FASTKD2: variants seen among roughly 807,000 people sequenced by gnomAD.
FASTKD2 encodes FAST kinase domains 2.
Under a neutral mutation model 63.6 loss-of-function variants are expected in FASTKD2, and 51 were observed. The ratio of observed to expected loss-of-function variants is 0.80; its 90% CI spans 0.64 to 1.01. FASTKD2 has a LOEUF of 1.01. Among genes scored for constraint, FASTKD2 ranks in the 50% least tolerant of loss-of-function variants. The probability of loss-of-function intolerance (pLI) is 0.00; values close to 1 mark genes in which losing one functional copy is unlikely to be tolerated. For missense variants in FASTKD2, 786 were observed against 831.1 expected (o/e 0.95, Z 0.67); for synonymous variants, 284 against 293.4 (o/e 0.97, Z 0.33).
In FASTKD2 at chr2:206,792,120, CAGGTTGATGTGGGTAGT is replaced by C. The variant is rs1487331365; in HGVS notation, c.*321_*337del. ...TTTCTTAGTTGTGAGGTGTCACAGG[CAGGTTGATGTGGGTAGT>C]AGTCCTTGTCTTTGGAATCTGAATA... On this transcript the variant is annotated 3_prime_UTR_variant, in exon 12 of 12. Transcript: ENST00000402774. The C allele has an allele frequency of 1.1e-5, 4 of 363,648 alleles. No individual in the cohort carries two copies. Among genetic ancestry groups the C allele is most frequent in the African/African-American group, 8.4e-5 (4 of 47,550 alleles). The allele number at this position is 363,648 out of a possible 1,614,324, so 22.5% of individuals were successfully genotyped here.
intron 2 of FASTKD2, among the ~76,000 whole-genome samples, 155 bp downstream of exon 2, chr2:206,767,625 G>C (rs1397016616): frequency 1.4e-5 from 2 of 138,568 alleles, no homozygotes; most frequent in African/African-American, 5.7e-5. Flanking sequence ...ATATGATTTA[G>C]AGGCCTTAAG....
chr2:206,771,881 G>C lies in FASTKD2; in HGVS notation c.991-13G>C, dbSNP rs13421046. 2.9e-5 allele frequency: 46 copies of C among 1,573,986 alleles called. 1 individual carries two copies. In the East Asian group the frequency reaches 3.8e-4, roughly 13 times the overall value. ...CAGATAGTAAATTAAATTAAAATTT[G>C]TTTTTTCTTTAGATGAAAGCCTTGA... On this transcript the variant is annotated splice_polypyrimidine_tract_variant and intron_variant, in intron 4 of 11. Transcript: ENST00000402774.
intron 7 of FASTKD2, among the ~76,000 whole-genome samples, chr2:206,777,760 A>G (rs899850238): frequency 6.6e-6 from 1 of 152,188 alleles, no homozygotes; most frequent in African/African-American, 2.4e-5. Flanking sequence ...TGACTTCAGC[A>G]ATGAAGCTAT....
At position 206,792,022 on chromosome 2, in the gene FASTKD2, C is replaced by T; in HGVS notation, c.*220C>T. On this transcript the variant is annotated 3_prime_UTR_variant, in exon 12 of 12. Transcript: ENST00000402774. The stretch of plus-strand genomic sequence containing the variant: ...GGTTATTTTTCCAACCACACCTATT[C>T]CCTCTAGTGCCCAGATATTTGATTT... 1.9e-6 allele frequency: 1 copy of T among 534,032 alleles called. No individual in the cohort carries two copies. The highest frequency in any genetic ancestry group is 3.4e-6 in the Non-Finnish European group (1 of 298,308). 33.1% of individuals were successfully genotyped at this position (534,032 alleles called of 1,614,324 possible). A position where few individuals can be genotyped will look rare whatever the true frequency, so the allele number is the denominator to read the frequency against.
chr2:206,776,392 A>G (rs918116592), intron 7 of FASTKD2, among the ~76,000 whole-genome samples: 3 of 151,440 alleles, frequency 2.0e-5, no homozygotes, highest in South Asian at 2.1e-4. Flanking sequence ...CCTTGTCTGT[A>G]TTTGCTTTTG....
chr2:206,777,982 G>A (rs1203357230), intron 7 of FASTKD2, among the ~76,000 whole-genome samples: 1 of 151,808 alleles, frequency 6.6e-6, no homozygotes, highest in Non-Finnish European at 1.5e-5. Context: ...TATTTCTGTG[G>A]CATTGGTTTT....
At chr2:206,786,936 C>A in intron 8 of FASTKD2, 37 bp downstream of exon 8, 4 of 1,167,902 alleles carry the variant, frequency 3.4e-6, no homozygotes, top group East Asian at 2.6e-5. Context: ...CCAATTGTGA[C>A]CAATTCTGCA....
intron 7 of FASTKD2, among the ~76,000 whole-genome samples, chr2:206,779,528 G>T (rs928893985): frequency 1.3e-5 from 2 of 152,186 alleles, no homozygotes; most frequent in African/African-American, 4.8e-5. Flanking sequence ...GGTAACAGAA[G>T]AGAGCAAGAG....
At chr2:206,791,154 C>G (rs1037018721) in intron 11 of FASTKD2, 2 of 202,948 alleles carry the variant, frequency 9.9e-6, no homozygotes, top group East Asian at 2.5e-4. Flanking sequence ...TATTTTGTAC[C>G]CCACAGCTTC....
chr2:206,774,156 A>G, intron 6 of FASTKD2, 69 bp from the exon 7 acceptor site: 1 of 1,061,582 alleles, frequency 9.4e-7, no homozygotes, highest in Non-Finnish European at 1.4e-6. Flanking sequence ...AGATTTTTTG[A>G]GATCTAAAAA....
At position 206,796,155 on chromosome 2, in the gene FASTKD2, T is replaced by C. The variant is rs956659377; in HGVS notation, c.*4353T>C. On this transcript the variant is annotated 3_prime_UTR_variant, in exon 12 of 12. Coordinates refer to ENST00000402774, the MANE Select transcript of FASTKD2 (RefSeq NM_001136193.2). The stretch of plus-strand genomic sequence containing the variant: ...ACAATATATGCACATATATATGTTA[T>C]AGAATCAATAAAAATTGGATACTTT... 2.0e-5 allele frequency among the ~76,000 whole-genome samples: 3 copies of C among 152,256 alleles called. No homozygotes were observed. The highest frequency in any genetic ancestry group is 4.4e-5 in the Non-Finnish European group (3 of 68,044).
rs71034473 is a variant in FASTKD2 at position 206,781,304 on chromosome 2, A to ATTT, written c.1428-5404_1428-5402dup. Among the ~76,000 whole-genome samples, 125 of 75,918 alleles carry ATTT rather than the reference A, an allele frequency of 1.6e-3. 8 individuals carry two copies. Among genetic ancestry groups the ATTT allele is most frequent in the South Asian group, 4.0e-3 (6 of 1,486 alleles). 49.8% of individuals were successfully genotyped at this position (75,918 alleles called of 152,430 possible). A position where few individuals can be genotyped will look rare whatever the true frequency, so the allele number is the denominator to read the frequency against. ...GGGGGCCTCTTAAACTTTTTCTATG[A>ATTT]TTTTTTTTTTTTTTTTTTTTTTTTT... On this transcript the variant is annotated intron_variant, in intron 7 of 11. Coordinates refer to ENST00000402774, the MANE Select transcript of FASTKD2 (RefSeq NM_001136193.2).
At chr2:206,788,183 A>G (rs1329020218) in intron 9 of FASTKD2, 28 bp downstream of exon 9, 2 of 1,451,176 alleles carry the variant, frequency 1.4e-6, no homozygotes, top group Non-Finnish European at 9.5e-7. Flanking sequence ...ATTTCCTTTC[A>G]TTTTATTGTA....
At chr2:206,780,480 TC>T (rs1689942951) in intron 7 of FASTKD2, among the ~76,000 whole-genome samples, 1 of 152,244 alleles carries the variant, frequency 6.6e-6, no homozygotes, top group Non-Finnish European at 1.5e-5. Context: ...TGATGGGGGC[TC>T]CCTTGTACAT....
rs1402612585 is a variant in FASTKD2 at position 206,793,185 on chromosome 2, G to T, written c.*1383G>T. On this transcript the variant is annotated 3_prime_UTR_variant, in exon 12 of 12. Coordinates refer to ENST00000402774, the MANE Select transcript of FASTKD2 (RefSeq NM_001136193.2). ...TGCAGTGAGCCAAGATGGTCCTGCT[G>T]CACTCCAGCCTGACCACAGAGCGAG... Among the ~76,000 whole-genome samples, 1 of 125,624 alleles carries T rather than the reference G, an allele frequency of 8.0e-6. No homozygotes were observed. The highest frequency in any genetic ancestry group is 3.1e-5 in the African/African-American group (1 of 32,470). 82.4% of individuals were successfully genotyped at this position (125,624 alleles called of 152,430 possible).
At chr2:206,791,626 T>G in intron 11 of FASTKD2, 57 bp from the exon 12 acceptor site, 1 of 1,557,302 alleles carries the variant, frequency 6.4e-7, no homozygotes, top group Non-Finnish European at 8.9e-7. Context: ...ATCTCTAAAC[T>G]AGCTCTTTTG....
intron 2 of FASTKD2, among the ~76,000 whole-genome samples, chr2:206,767,735 A>G (rs997210356): frequency 1.3e-5 from 2 of 152,182 alleles, no homozygotes; most frequent in Non-Finnish European, 2.9e-5. Flanking sequence ...GTGAGGAGAG[A>G]TGCAAGATAT....
chr2:206,786,091 T>G (rs1015208437), intron 7 of FASTKD2, among the ~76,000 whole-genome samples: 1 of 152,246 alleles, frequency 6.6e-6, no homozygotes, highest in African/African-American at 2.4e-5. Flanking sequence ...ATATGTATCA[T>G]ATGCCCTGAG....
At chr2:206,788,370 G>A (rs1385439772) in intron 9 of FASTKD2, among the ~76,000 whole-genome samples, 2 of 151,890 alleles carry the variant, frequency 1.3e-5, no homozygotes, top group African/African-American at 4.8e-5. Context: ...CTGACACATG[G>A]TTAGCTCTCA....
Sources: allele counts gnomAD v4.1 joint callset (sites outside exome capture counted in the v4.1 genomes callset), GRCh38; gene constraint gnomAD v4.1.1; transcripts MANE v1.5; gene names NCBI Gene and HGNC (gene_info 2026-07-23, HGNC 2026-07-21).